The following MYH14 variants were observed in gnomAD, a reference collection of about 807,000 sequenced individuals.
MYH14 encodes the protein myosin-14.
In MYH14, 123 loss-of-function variants were observed where a neutral mutation model predicts 255.5. The observed-to-expected ratio is 0.48, with a 90% CI of 0.42 to 0.56. MYH14 has a LOEUF of 0.56. Ranked by LOEUF, MYH14 falls within the 20% of genes least tolerant of loss-of-function variation. The pLI, the probability that MYH14 is intolerant of heterozygous loss-of-function variation, is 0.00. For synonymous variants in MYH14, 1,095 were observed against 1,161.2 expected (o/e 0.94, Z 1.16); for missense variants, 2,423 against 2,802.3 (o/e 0.86, Z 3.06).
Position 50,293,800 on chromosome 19 carries a change from AG to A in MYH14, c.5469+115del. 8.4e-7 allele frequency: 1 copy of A among 1,191,824 alleles called. No homozygotes were observed. Among genetic ancestry groups the A allele is most frequent in the South Asian group, 1.7e-5 (1 of 58,444 alleles). The allele number at this position is 1,191,824 out of a possible 1,614,324, so 73.8% of individuals were successfully genotyped here. ...AGGGGATATTTGAGTTGGGTTTTGAAGGTTGAATAGGAGTTCTTAAAAGGGT... is the reference window on the plus strand; with the variant it reads ...AGGGGATATTTGAGTTGGGTTTTGAAGTTGAATAGGAGTTCTTAAAAGGGT... On this transcript the variant is annotated intron_variant, in intron 39 of 42. Coordinates refer to ENST00000642316, the MANE Select transcript of MYH14 (RefSeq NM_001145809.2). This position sits in a 1 kb window ranked among gnomAD's most constrained non-coding sequence, Gnocchi z 4.1.
intron 1 of MYH14, among the ~76,000 whole-genome samples, chr19:50,207,963 C>A (rs1054449853): frequency 6.6e-6 from 1 of 152,218 alleles, no homozygotes; most frequent in Non-Finnish European, 1.5e-5. Context: ...TTTCTCCCAA[C>A]AACCCCCTTC....
chr19:50,223,213 C>A (rs1214745722), intron 4 of MYH14, 34 bp from the exon 5 acceptor site: 2 of 1,609,808 alleles, frequency 1.2e-6, no homozygotes, highest in Non-Finnish European at 1.7e-6. Context: ...GAGGTCATTG[C>A]CAACCCCTTT....
rs144001206 is a variant in MYH14, at chr19:50,261,917, A to G, written c.2585+282A>G. Reference sequence around the variant, plus strand: ...CCTGGGTCTGGGTTTCCCAGGGTGCAGGACTTCCAGTGCTAAAACAGAGAA... The same window carrying G: ...CCTGGGTCTGGGTTTCCCAGGGTGCGGGACTTCCAGTGCTAAAACAGAGAA... On this transcript the variant is annotated intron_variant, in intron 21 of 42. Transcript: ENST00000642316. Among the ~76,000 whole-genome samples, 19 of 152,282 alleles carry G rather than the reference A, an allele frequency of 1.2e-4. No individual in the cohort carries two copies. The East Asian group carries it at 3.7e-3, about 29-fold the overall frequency.
intron 40 of MYH14, among the ~76,000 whole-genome samples, chr19:50,305,323 G>C (rs1362799076): frequency 6.6e-6 from 1 of 152,168 alleles, no homozygotes; most frequent in East Asian, 1.9e-4. Context: ...GGGGCAGAAG[G>C]AATGAAGCGG....
chr19:50,220,145 T>C (rs1257002179), intron 3 of MYH14, among the ~76,000 whole-genome samples: 3 of 152,070 alleles, frequency 2.0e-5, no homozygotes, highest in Non-Finnish European at 1.5e-5. Flanking sequence ...CCGCTCGCCA[T>C]TTCCGTCCCG....
intron 1 of MYH14, among the ~76,000 whole-genome samples, chr19:50,207,983 G>A (rs1310590615): frequency 2.0e-5 from 3 of 152,158 alleles, no homozygotes; most frequent in Non-Finnish European, 4.4e-5. Context: ...CCTCGCTCCT[G>A]TCATCTCCCT....
In MYH14 at chr19:50,293,405, G is replaced by A. The variant is rs533665807; in HGVS notation, c.5345+84G>A. Reference sequence around the variant, plus strand: ...GTAGGCTGGAGGTGGCTGGGCTCTGGGACAGGAAACTGGGAGGTGGGCGGG... The same window carrying A: ...GTAGGCTGGAGGTGGCTGGGCTCTGAGACAGGAAACTGGGAGGTGGGCGGG... On this transcript the variant is annotated intron_variant, in intron 38 of 42. Transcript: ENST00000642316. This position sits in a 1 kb window ranked among gnomAD's most constrained non-coding sequence, Gnocchi z 4.1. The A allele has an allele frequency of 2.0e-5, 31 of 1,521,780 alleles. No individual in the cohort carries two copies. In the East Asian group the frequency reaches 6.8e-4, roughly 33 times the overall value. The allele number at this position is 1,521,780 out of a possible 1,614,324, so 94.3% of individuals were successfully genotyped here.
chr19:50,276,694 C>G lies in MYH14; in HGVS notation c.3681-63C>G. The G allele has an allele frequency of 6.2e-7, 1 of 1,607,560 alleles. No individual in the cohort carries two copies. The highest frequency in any genetic ancestry group is 8.5e-7 in the Non-Finnish European group (1 of 1,176,114). On this transcript the variant is annotated intron_variant, in intron 28 of 42. Transcript: ENST00000642316. This position sits in a 1 kb window ranked among gnomAD's most constrained non-coding sequence, Gnocchi z 4.3. The stretch of plus-strand genomic sequence containing the variant: ...CATGAAAAGGAGAAACAACCAGCTC[C>G]CCCAAAGCCCCTGCCTTCCTCTGCT...
chr19:50,237,149 T>A (rs2033693304), intron 10 of MYH14, among the ~76,000 whole-genome samples: 1 of 152,122 alleles, frequency 6.6e-6, no homozygotes, highest in African/African-American at 2.4e-5. Flanking sequence ...GCTGAATAAT[T>A]TTTATTGTTA....
At chr19:50,259,104 G>A (rs1221932683) in intron 18 of MYH14, 40 bp from the exon 19 acceptor site, 1 of 1,530,734 alleles carries the variant, frequency 6.5e-7, no homozygotes, top group Admixed American at 2.1e-5. Flanking sequence ...GCCCCCGTGT[G>A]GCCGCCGCTG....
At chr19:50,288,356 ACC>A (rs1196280636) in intron 34 of MYH14, among the ~76,000 whole-genome samples, 1 of 151,928 alleles carries the variant, frequency 6.6e-6, no homozygotes, top group Non-Finnish European at 1.5e-5. Flanking sequence ...CCTGGAGAGA[ACC>A]CCTCTCTCCC....
intron 23 of MYH14, 33 bp downstream of exon 23, chr19:50,267,041 T>A: frequency 6.6e-7 from 1 of 1,504,172 alleles, no homozygotes; most frequent in Non-Finnish European, 8.9e-7. Context: ...TGGGGGCGTG[T>A]CTTCGGGGTG....
At chr19:50,207,525 A>C (rs1239922386) in intron 1 of MYH14, among the ~76,000 whole-genome samples, 1 of 151,692 alleles carries the variant, frequency 6.6e-6, no homozygotes, top group Non-Finnish European at 1.5e-5. Flanking sequence ...GAGCTCCTCC[A>C]GGCAGGGCTC....
intron 7 of MYH14, 46 bp downstream of exon 7, chr19:50,225,723 A>C: frequency 6.7e-7 from 1 of 1,482,130 alleles, no homozygotes; most frequent in South Asian, 1.1e-5. Flanking sequence ...GGGATACAGG[A>C]GCTGGGAACC....
Position 50,247,136 on chromosome 19 carries a change from G to A in MYH14, c.1329+14G>A, listed in dbSNP as rs1213836779. On this transcript the variant is annotated intron_variant, in intron 12 of 42. Coordinates refer to ENST00000642316, the MANE Select transcript of MYH14 (RefSeq NM_001145809.2). ...ACTAAGGAACAGGTAGGCGGGGCTG[G>A]CGGTGGGCAGGCACAGAAAGAGCCG... The A allele has an allele frequency of 1.9e-6, 3 of 1,588,290 alleles. No homozygotes were observed. Among genetic ancestry groups the A allele is most frequent in the Non-Finnish European group, 2.6e-6 (3 of 1,158,788 alleles).
intron 11 of MYH14, among the ~76,000 whole-genome samples, chr19:50,246,622 C>CAAACA (rs548519015): frequency 1.0e-4 from 15 of 148,442 alleles, no homozygotes; most frequent in Admixed American, 4.0e-4. Context: ...AACTCTGTCT[C>CAAACA]AAACAAAACA....
At position 50,259,147 on chromosome 19, in the gene MYH14, G is replaced by A. The variant is rs371501957; in HGVS notation, c.2236G>A (p.Gly746Arg). Reference protein sequence around the residue: ...CIVPNHEKRAGKLEPRLVLDQ... With the variant: ...CIVPNHEKRARKLEPRLVLDQ... The stretch of plus-strand genomic sequence containing the variant: ...CGTGTCCGTCCGCTCTCCCCAGGCC[G>A]GGAAGCTGGAGCCACGGCTGGTGCT... Residue 746 changes from glycine to arginine, a missense_variant, in exon 19 of 43, where the codon GGG (glycine) becomes AGG (arginine). By Grantham distance (125) the Gly-to-Arg change is moderately radical (BLOSUM62 -2). Transcript: ENST00000642316. 5 of 1,554,192 alleles carry A rather than the reference G, an allele frequency of 3.2e-6. No homozygotes were observed. The highest frequency in any genetic ancestry group is 4.8e-5 in the East Asian group (2 of 41,328).
At chr19:50,263,202 AAAAC>A (rs898016159) in intron 21 of MYH14, 106 bp from the exon 22 acceptor site, 266 of 786,550 alleles carry the variant, frequency 3.4e-4, no homozygotes, top group South Asian at 5.4e-4. Flanking sequence ...CTGTCTCAGA[AAAAC>A]AAACAAACAA....
intron 27 of MYH14, among the ~76,000 whole-genome samples, chr19:50,273,837 A>G (rs986657338): frequency 6.6e-6 from 1 of 152,016 alleles, no homozygotes; most frequent in African/African-American, 2.4e-5. Context: ...GGCTTTCACC[A>G]TGTTGCCCAG....
Sources: gnomAD v4.1 joint callset for allele counts (sites outside exome capture counted in the v4.1 genomes callset) on GRCh38, gnomAD v4.1.1 for gene constraint, Gnocchi (gnomAD v3.1) non-coding constraint, MANE v1.5 for transcripts, NCBI Gene and HGNC (gene_info 2026-07-23, HGNC 2026-07-21) for gene names.